Variants in DPP10 observed in about 807,000 individuals in gnomAD.
The protein encoded by DPP10 is inactive dipeptidyl peptidase 10.
Under a neutral mutation model 120.9 loss-of-function variants are expected in DPP10, and 33 were observed. The ratio of observed to expected loss-of-function variants is 0.27; its 90% CI spans 0.21 to 0.37. The LOEUF is 0.37. DPP10 is among the 10% of genes least tolerant of loss of function. The pLI is 1.00. For synonymous variants in DPP10, 337 were observed against 326.1 expected, an observed-to-expected ratio of 1.03 and a Z score of -0.36; for missense variants, 816 against 942.8, an observed-to-expected ratio of 0.87 and a Z score of 1.76.
At chr2:115,313,898 T>C (rs940192919) in intron 2 of DPP10, among the ~76,000 whole-genome samples, 3 of 152,194 alleles carry the variant, frequency 2.0e-5, no homozygotes, top group African/African-American at 7.2e-5. Context: ...ATTTTTTCTA[T>C]TGAGTTTGTT....
chr2:115,684,690 T>C (rs955172532), intron 5 of DPP10, among the ~76,000 whole-genome samples: 1 of 151,942 alleles, frequency 6.6e-6, no homozygotes, highest in Admixed American at 6.6e-5. Flanking sequence ...CATAAATTAC[T>C]GGGATACACT....
At chr2:115,781,488 C>T (rs541710070) in intron 16 of DPP10, among the ~76,000 whole-genome samples, 3 of 151,910 alleles carry the variant, frequency 2.0e-5, no homozygotes, top group East Asian at 1.9e-4. Context: ...TAACAATATG[C>T]GTAGTCTTAC....
chr2:115,538,725 CT>C (rs2079013959), intron 5 of DPP10, among the ~76,000 whole-genome samples: 1 of 151,890 alleles, frequency 6.6e-6, no homozygotes, highest in South Asian at 2.1e-4. Flanking sequence ...TTTAAAAACA[CT>C]GATAAATTTT....
intron 1 of DPP10, among the ~76,000 whole-genome samples, chr2:114,955,200 C>G (rs12373720): frequency 6.6e-6 from 1 of 152,156 alleles, no homozygotes; most frequent in East Asian, 1.9e-4. Flanking sequence ...TATGCCTCCC[C>G]TTTTTAGACC....
At chr2:115,254,802 A>G (rs2058909028) in intron 1 of DPP10, among the ~76,000 whole-genome samples, 1 of 152,164 alleles carries the variant, frequency 6.6e-6, no homozygotes, top group Non-Finnish European at 1.5e-5. Flanking sequence ...CTTTGACTCC[A>G]TGTCTCAGAT....
chr2:114,719,299 C>CT (rs1701553403), intron 1 of DPP10, among the ~76,000 whole-genome samples: 1 of 152,136 alleles, frequency 6.6e-6, no homozygotes, highest in Non-Finnish European at 1.5e-5. Context: ...ATTTGGCTTG[C>CT]TACTGAGGTG....
At chr2:115,681,589 T>A (rs911766233) in intron 5 of DPP10, among the ~76,000 whole-genome samples, 8 of 151,822 alleles carry the variant, frequency 5.3e-5, no homozygotes, top group African/African-American at 1.9e-4. Flanking sequence ...TTCCATATAT[T>A]TTTGTCCTTT....
intron 1 of DPP10, among the ~76,000 whole-genome samples, chr2:115,131,493 A>G (rs1267421157): frequency 1.3e-5 from 2 of 152,200 alleles, no homozygotes; most frequent in Non-Finnish European, 2.9e-5. Context: ...TGCCTGGGCC[A>G]TAAAGCAAAA....
At chr2:115,067,793 C>T (rs1184995692) in intron 1 of DPP10, among the ~76,000 whole-genome samples, 3 of 136,610 alleles carry the variant, frequency 2.2e-5, no homozygotes, top group Non-Finnish European at 3.1e-5. Flanking sequence ...TCCCGGGAGG[C>T]GGAGCTTGCA....
At chr2:114,998,357 C>A (rs1170212518) in intron 1 of DPP10, among the ~76,000 whole-genome samples, 1 of 152,102 alleles carries the variant, frequency 6.6e-6, no homozygotes, top group African/African-American at 2.4e-5. Flanking sequence ...TGACATATTG[C>A]TTCAAACTCT....
intron 5 of DPP10, among the ~76,000 whole-genome samples, chr2:115,637,675 A>G (rs1284531121): frequency 6.6e-6 from 1 of 152,200 alleles, no homozygotes; most frequent in Non-Finnish European, 1.5e-5. Flanking sequence ...TTTATGAGTG[A>G]GCCCCGAAAT....
intron 1 of DPP10, among the ~76,000 whole-genome samples, chr2:115,083,483 G>A (rs759114982): frequency 2.0e-5 from 3 of 152,130 alleles, no homozygotes; most frequent in Non-Finnish European, 4.4e-5. Flanking sequence ...ACCTACTAGA[G>A]AAACCTGGCA....
chr2:115,038,418 C>G (rs190825543), intron 1 of DPP10, among the ~76,000 whole-genome samples: 1 of 151,816 alleles, frequency 6.6e-6, no homozygotes, highest in Non-Finnish European at 1.5e-5. Context: ...CTACAGGCGC[C>G]CGCCACCACG....
chr2:114,686,664 A>G (rs1050858201), intron 1 of DPP10, among the ~76,000 whole-genome samples: 4 of 151,930 alleles, frequency 2.6e-5, no homozygotes, highest in African/African-American at 9.7e-5. Flanking sequence ...CATCCCTATG[A>G]CAGATAGGAT....
chr2:115,140,564 T>C (rs2050876213), intron 1 of DPP10, among the ~76,000 whole-genome samples: 1 of 152,186 alleles, frequency 6.6e-6, no homozygotes, highest in Non-Finnish European at 1.5e-5. Flanking sequence ...TTAGCTACTC[T>C]GAGGAAACTG....
intron 2 of DPP10, among the ~76,000 whole-genome samples, chr2:115,321,325 C>G (rs1433884075): frequency 6.6e-6 from 1 of 151,944 alleles, no homozygotes; most frequent in Non-Finnish European, 1.5e-5. Context: ...AAAGGAAGCT[C>G]TTTTCTTTAA....
intron 1 of DPP10, among the ~76,000 whole-genome samples, chr2:114,599,323 C>A (rs1004100252): frequency 6.6e-6 from 1 of 151,238 alleles, no homozygotes; most frequent in Non-Finnish European, 1.5e-5. Context: ...TAATTCACAA[C>A]CTTTGAGGCT....
chr2:114,803,418 G>A (rs1684439953), intron 1 of DPP10, among the ~76,000 whole-genome samples: 2 of 152,214 alleles, frequency 1.3e-5, no homozygotes, highest in African/African-American at 2.4e-5. Context: ...TGGGTAAGAG[G>A]TAGAGGTTGG....
chr2:115,175,635 T>C (rs1027158751), intron 1 of DPP10, among the ~76,000 whole-genome samples: 1 of 152,228 alleles, frequency 6.6e-6, no homozygotes, highest in African/African-American at 2.4e-5. Context: ...TCCTAAAATA[T>C]CTTTTACTTT....
Sources: allele counts gnomAD v4.1 joint callset (sites outside exome capture counted in the v4.1 genomes callset), GRCh38; gene constraint gnomAD v4.1.1; transcripts MANE v1.5; gene names NCBI Gene and HGNC (gene_info 2026-07-23, HGNC 2026-07-21).